Variants in NEK5 observed in about 807,000 individuals in gnomAD.
The protein encoded by NEK5 is NIMA related kinase 5.
In NEK5, 88 loss-of-function variants were observed where a neutral mutation model predicts 109.2. The ratio of observed to expected loss-of-function variants is 0.81; its 90% CI spans 0.68 to 0.96. The LOEUF (loss-of-function observed/expected upper bound fraction) is 0.96. Among genes scored for constraint, NEK5 ranks in the 40% least tolerant of loss-of-function variants. The probability of loss-of-function intolerance (pLI) is 0.00; values close to 1 mark genes in which losing one functional copy is unlikely to be tolerated. For missense variants in NEK5, 834 were observed against 920.7 expected (o/e 0.91, Z 1.22); for synonymous variants, 283 against 299.9 (o/e 0.94, Z 0.58).
intron 12 of NEK5, among the ~76,000 whole-genome samples, chr13:52,093,568 A>G (rs1955342817): frequency 6.6e-6 from 1 of 152,146 alleles, no homozygotes; most frequent in Non-Finnish European, 1.5e-5. Flanking sequence ...CTCAAAAAAA[A>G]AAACCATAAT....
At chr13:52,054,453 TG>T (rs1057111710) in intron 22 of NEK5, among the ~76,000 whole-genome samples, 7 of 152,234 alleles carry the variant, frequency 4.6e-5, no homozygotes, top group African/African-American at 1.7e-4. Flanking sequence ...CCCAAAGGGC[TG>T]GGATTACAGG....
chr13:52,055,229 C>T (rs1169517178), intron 22 of NEK5, among the ~76,000 whole-genome samples: 3 of 151,978 alleles, frequency 2.0e-5, no homozygotes, highest in South Asian at 2.1e-4. Flanking sequence ...TGAAATGAAG[C>T]AAGAAGGGAA....
In NEK5 at chr13:52,036,944, A is replaced by G. The variant is rs150578689; in HGVS notation, c.*4T>C. ...AACTTATTACTTAAGAAAAAGTACA[A>G]TAATCACACTTGTATATTTTGACTG... On this transcript the variant is annotated 3_prime_UTR_variant, in exon 24 of 24. Transcript: ENST00000684899. 1.0e-6 allele frequency: 1 copy of G among 984,730 alleles called. No individual in the cohort carries two copies. The highest frequency in any genetic ancestry group is 1.7e-5 in the African/African-American group (1 of 57,356). 61.0% of individuals were successfully genotyped at this position (984,730 alleles called of 1,614,324 possible). A position where few individuals can be genotyped will look rare whatever the true frequency, so the allele number is the denominator to read the frequency against.
rs750447580 is a variant in NEK5 at position 52,076,108 on chromosome 13, C to T, written c.1608G>A (p.Gln536=). ...CTGGATTTTTACTTTCCTTTGTGTT[C>T]TGAAGCCTCATTTGTTTCAAGTCTT... The part of the protein sequence containing the change: ...IEKDLKQMRL[Q]NTKESKNPEQ... The change falls in exon 18 of 24, where the codon CAG becomes CAA. Residue 536 remains glutamine (Q), a synonymous_variant. Coordinates refer to ENST00000684899, the MANE Select transcript of NEK5 (RefSeq NM_001365552.1). 1.9e-6 allele frequency: 3 copies of T among 1,599,800 alleles called. No individual in the cohort carries two copies. In the East Asian group the frequency reaches 6.7e-5, roughly 36 times the overall value.
At chr13:52,081,278 G>A (rs1372931569) in intron 17 of NEK5, among the ~76,000 whole-genome samples, 1 of 152,198 alleles carries the variant, frequency 6.6e-6, no homozygotes, top group Non-Finnish European at 1.5e-5. Flanking sequence ...GACAAATTAA[G>A]TGATAATTAT....
intron 22 of NEK5, among the ~76,000 whole-genome samples, chr13:52,056,668 G>A (rs903310173): frequency 7.6e-4 from 115 of 150,928 alleles, no homozygotes; most frequent in Non-Finnish European, 1.3e-3. Context: ...CAACTACATG[G>A]AAACTGAACA....
intron 17 of NEK5, among the ~76,000 whole-genome samples, chr13:52,082,792 C>T (rs1399096814): frequency 2.6e-5 from 4 of 152,230 alleles, no homozygotes; most frequent in Non-Finnish European, 5.9e-5. Flanking sequence ...CAGCAAGCTT[C>T]TGCAGACAGA....
chr13:52,038,808 G>A (rs967855918), intron 23 of NEK5, among the ~76,000 whole-genome samples: 6 of 114,716 alleles, frequency 5.2e-5, no homozygotes, highest in Admixed American at 1.2e-4. Context: ...CTAGGCATCA[G>A]AGCAAGACAC....
intron 17 of NEK5, among the ~76,000 whole-genome samples, chr13:52,080,142 G>A (rs1275080066): frequency 7.9e-5 from 12 of 151,692 alleles, no homozygotes; most frequent in Non-Finnish European, 1.2e-4. Flanking sequence ...GTCTCCGCCC[G>A]GCAGCCACCC....
chr13:52,086,241 G>T, intron 16 of NEK5, 36 bp downstream of exon 16: 2 of 1,283,138 alleles, frequency 1.6e-6, no homozygotes, highest in Non-Finnish European at 2.3e-6. Context: ...GCTCTAAATC[G>T]ATAGAACAAT....
rs777989531 is a variant in NEK5, at chr13:52,089,306, C to T, written c.1216G>A (p.Glu406Lys). Residue 406 changes from glutamate to lysine, a missense_variant, in exon 14 of 24, where the codon GAG becomes AAG. This residue lies in a region of NEK5 where 777 missense variants were observed against 824.7 expected (regional missense o/e 0.94). Coordinates refer to ENST00000684899, the MANE Select transcript of NEK5 (RefSeq NM_001365552.1). ...GCTTCAAATTTTCTCTGAAGGTACT[C>T]AGCAGGCCTTAGAAAATAAGAATGT... ...HGPSPSQWPA[E>K]YLQRKFEAQQ... 9 of 1,603,424 alleles carry T rather than the reference C, an allele frequency of 5.6e-6. No homozygotes were observed. The highest frequency in any genetic ancestry group is 7.7e-6 in the Non-Finnish European group (9 of 1,171,416).
rs1359114703 is a variant in NEK5 at position 52,034,916 on chromosome 13, A to ATCTT, written c.*2028_*2031dup. 2.3e-5 allele frequency: 2 copies of ATCTT among 87,974 alleles called. No homozygotes were observed. The highest frequency in any genetic ancestry group is 8.1e-5 in the African/African-American group (2 of 24,672). The allele number at this position is 87,974 out of a possible 1,614,324, so 5.4% of individuals were successfully genotyped here. On this transcript the variant is annotated 3_prime_UTR_variant, in exon 24 of 24. Coordinates refer to ENST00000684899, the MANE Select transcript of NEK5 (RefSeq NM_001365552.1). ...TTTTTTTTTGCCCTTAATTGACTTG[A>ATCTT]TCTTTGGATGTTTGAGGTTATTAGG...
At chr13:52,075,716 T>G in intron 19 of NEK5, 42 bp downstream of exon 19, 2 of 1,209,830 alleles carry the variant, frequency 1.7e-6, no homozygotes, top group Non-Finnish European at 2.4e-6. Flanking sequence ...ATATATGCAT[T>G]TTCTGATACC....
In NEK5 at chr13:52,080,305, C is replaced by T. The variant is rs1342439017; in HGVS notation, c.1572+2955G>A. 4.8e-5 allele frequency among the ~76,000 whole-genome samples: 7 copies of T among 144,556 alleles called. No individual in the cohort carries two copies. The South Asian group carries it at 9.2e-4, about 19-fold the overall frequency. 94.8% of individuals were successfully genotyped at this position (144,556 alleles called of 152,430 possible). On this transcript the variant is annotated intron_variant, in intron 17 of 23. Coordinates refer to ENST00000684899, the MANE Select transcript of NEK5 (RefSeq NM_001365552.1). ...CCCCCGCCCGGCCAGCCGCCTCGTC[C>T]GGGAGGTGAGGGGCGCCTCTGCCCG...
At chr13:52,041,216 T>G (rs1440785120) in intron 23 of NEK5, among the ~76,000 whole-genome samples, 2 of 152,096 alleles carry the variant, frequency 1.3e-5, no homozygotes, top group African/African-American at 4.8e-5. Context: ...ATGAACTAAC[T>G]CCAGATGAAA....
At chr13:52,104,337 C>T (rs1326654616) in intron 9 of NEK5, among the ~76,000 whole-genome samples, 161 bp downstream of exon 9, 1 of 152,154 alleles carries the variant, frequency 6.6e-6, no homozygotes, top group East Asian at 1.9e-4. Context: ...TATAATATTG[C>T]TTGGACAGCT....
At chr13:52,103,369 T>G (rs1955581311) in intron 9 of NEK5, among the ~76,000 whole-genome samples, 1 of 152,200 alleles carries the variant, frequency 6.6e-6, no homozygotes, top group South Asian at 2.1e-4. Flanking sequence ...AGTCAGAGGT[T>G]GCAGTGAGCT....
chr13:52,126,066 G>T (rs1322192043), intron 3 of NEK5, among the ~76,000 whole-genome samples: 1 of 152,056 alleles, frequency 6.6e-6, no homozygotes, highest in Non-Finnish European at 1.5e-5. Context: ...TATTCATATG[G>T]TGTAACTTGG....
chr13:52,091,808 G>A (rs1955289476), intron 13 of NEK5, among the ~76,000 whole-genome samples: 1 of 151,868 alleles, frequency 6.6e-6, no homozygotes. Context: ...ATCTATTATG[G>A]AGTAAATTTT....
Sources: gnomAD v4.1 joint callset for allele counts (sites outside exome capture counted in the v4.1 genomes callset) on GRCh38, gnomAD v4.1.1 for gene constraint, gnomAD v4.1.1 regional missense constraint, MANE v1.5 for transcripts, NCBI Gene and HGNC (gene_info 2026-07-23, HGNC 2026-07-21) for gene names.